Variants in GPC3 observed in about 807,000 individuals in gnomAD.
The protein encoded by GPC3 is glypican-3.
Under a neutral mutation model 34.4 loss-of-function variants are expected in GPC3, and 3 were observed. The observed-to-expected ratio is 0.09, with a 90% CI of 0.04 to 0.23. GPC3 has a LOEUF of 0.23. Among genes scored for constraint, GPC3 ranks in the 10% least tolerant of loss-of-function variants. GPC3 has a pLI of 1.00. For missense variants in GPC3, 351 were observed against 445.6 expected (o/e 0.79, Z 1.91); for synonymous variants, 177 against 174.0 (o/e 1.02, Z -0.13).
At chrX:133,541,601 C>G (rs1163030864) in intron 7 of GPC3, among the ~76,000 whole-genome samples, 1 of 112,342 alleles carries the variant, frequency 8.9e-6, no homozygotes, top group Non-Finnish European at 1.9e-5. Context: ...GCCCCTGACT[C>G]TCATTTCGCC....
intron 2 of GPC3, among the ~76,000 whole-genome samples, chrX:133,765,129 CTT>C (rs1014639225): frequency 8.9e-6 from 1 of 111,845 alleles, no homozygotes; most frequent in African/African-American, 3.3e-5. Flanking sequence ...TAATTAAAAA[CTT>C]TTCTTTTTTA....
chrX:133,835,287 T>A (rs1368913214), intron 2 of GPC3, among the ~76,000 whole-genome samples: 3 of 112,273 alleles, frequency 2.7e-5, no homozygotes, highest in Admixed American at 1.9e-4. Flanking sequence ...GATTTTGGTA[T>A]AATTAAATAG....
intron 2 of GPC3, among the ~76,000 whole-genome samples, chrX:133,827,944 C>CAAAAA (rs760699432): frequency 2.8e-4 from 10 of 36,022 alleles, no homozygotes; most frequent in Admixed American, 4.0e-4. Flanking sequence ...AACTCCATCC[C>CAAAAA]AAAAAAAAAA....
At chrX:133,789,984 T>C (rs778333881) in intron 2 of GPC3, among the ~76,000 whole-genome samples, 3 of 111,864 alleles carry the variant, frequency 2.7e-5, no homozygotes, top group Non-Finnish European at 3.8e-5. Context: ...ATGCCAGATA[T>C]GCAATGAAAT....
chrX:133,960,156 G>A (rs757803526), intron 1 of GPC3, among the ~76,000 whole-genome samples: 5 of 110,309 alleles, frequency 4.5e-5, no homozygotes, highest in East Asian at 5.7e-4. Context: ...GTGGAATAAC[G>A]GGGCAAAGCT....
intron 2 of GPC3, among the ~76,000 whole-genome samples, chrX:133,846,376 T>G (rs933614507): frequency 3.6e-5 from 4 of 112,107 alleles, no homozygotes; most frequent in African/African-American, 1.3e-4. Context: ...TGGGAGCTGC[T>G]GAAGACTTCT....
chrX:133,669,058 G>T (rs920942763), intron 5 of GPC3, among the ~76,000 whole-genome samples: 1 of 111,481 alleles, frequency 9.0e-6, no homozygotes, highest in Admixed American at 9.5e-5. Flanking sequence ...AGAGCCCTGT[G>T]TATAGGGTTT....
intron 1 of GPC3, among the ~76,000 whole-genome samples, chrX:133,965,029 G>A (rs183489658): frequency 5.9e-4 from 66 of 110,986 alleles, no homozygotes; most frequent in Non-Finnish European, 1.1e-3. Context: ...CTCAGGAAGC[G>A]CACTGACATT....
chrX:133,583,070 T>C (rs1018138984), intron 7 of GPC3, among the ~76,000 whole-genome samples: 2 of 111,609 alleles, frequency 1.8e-5, no homozygotes, highest in Non-Finnish European at 3.8e-5. Flanking sequence ...AAGGATCCGT[T>C]TTCTTAGGAA....
rs1005750507 is a variant in GPC3, at chrX:133,539,063, T to G, written c.1574-2770A>C. Among the ~76,000 whole-genome samples, 13 of 107,183 alleles carry G rather than the reference T, an allele frequency of 1.2e-4. No homozygotes were observed. The Admixed American group carries it at 1.3e-3, about 11-fold the overall frequency. The allele number at this position is 107,183 out of a possible 115,157, so 93.1% of individuals were successfully genotyped here. A position where few individuals can be genotyped will look rare whatever the true frequency, so the allele number is the denominator to read the frequency against. On this transcript the variant is annotated intron_variant, in intron 7 of 7. Transcript: ENST00000370818. ...TCTCTTGGGCCCTGTATTTTTTAAT[T>G]ATAGTAATGACCCCCAACTACTGAG...
chrX:133,844,251 T>C lies in GPC3; in HGVS notation c.338-90075A>G, dbSNP rs1330068846. Among the ~76,000 whole-genome samples, 4 of 112,330 alleles carry C rather than the reference T, an allele frequency of 3.6e-5. No individual in the cohort carries two copies. The East Asian group carries it at 8.3e-4, about 23-fold the overall frequency. ...AAACTAAGTTAATAAAACTGTATACTTGAAATTTGCTAAGAGAGTAGATCT... is the reference window on the plus strand; with the variant it reads ...AAACTAAGTTAATAAAACTGTATACCTGAAATTTGCTAAGAGAGTAGATCT... On this transcript the variant is annotated intron_variant, in intron 2 of 7. Transcript: ENST00000370818.
chrX:133,933,351 G>A (rs2076307141), intron 2 of GPC3, among the ~76,000 whole-genome samples: 2 of 110,620 alleles, frequency 1.8e-5, no homozygotes, highest in African/African-American at 6.6e-5. Context: ...GACTAGGGAG[G>A]ATTGCAAGGA....
chrX:133,808,045 C>T (rs2075645408), intron 2 of GPC3, among the ~76,000 whole-genome samples: 1 of 112,553 alleles, frequency 8.9e-6, no homozygotes, highest in Non-Finnish European at 1.9e-5. Flanking sequence ...TGGACCAAAG[C>T]AACATCAGAA....
chrX:133,543,305 G>C (rs1313493823), intron 7 of GPC3, among the ~76,000 whole-genome samples: 1 of 111,320 alleles, frequency 9.0e-6, no homozygotes, highest in Non-Finnish European at 1.9e-5. Context: ...ATTTCATAGA[G>C]ACAGGGTTTC....
At chrX:133,784,932 G>A (rs1202590663) in intron 2 of GPC3, among the ~76,000 whole-genome samples, 1 of 111,630 alleles carries the variant, frequency 9.0e-6, no homozygotes, top group African/African-American at 3.3e-5. Context: ...CTATGGATTT[G>A]CCTATTCTGG....
At chrX:133,943,822 C>T (rs1603276372) in intron 2 of GPC3, among the ~76,000 whole-genome samples, 1 of 111,675 alleles carries the variant, frequency 9.0e-6, no homozygotes, top group East Asian at 2.8e-4. Context: ...AAAAGACAAC[C>T]AGCCAGCCTC....
At chrX:133,955,534 C>T (rs779193498) in intron 1 of GPC3, among the ~76,000 whole-genome samples, 9 of 111,545 alleles carry the variant, frequency 8.1e-5, no homozygotes, top group Non-Finnish European at 1.7e-4. Context: ...TCTCAGAGAA[C>T]CCAGTCTAAC....
At chrX:133,810,217 G>A in intron 2 of GPC3, among the ~76,000 whole-genome samples, 1 of 112,280 alleles carries the variant, frequency 8.9e-6, no homozygotes, top group African/African-American at 3.2e-5. Context: ...GACCACTTAA[G>A]TATGGCTAGT....
At chrX:133,892,652 A>G (rs1173091271) in intron 2 of GPC3, among the ~76,000 whole-genome samples, 1 of 109,626 alleles carries the variant, frequency 9.1e-6, no homozygotes, top group East Asian at 2.9e-4. Context: ...CTATGGTGAC[A>G]CCCTCAAGTC....
Sources: allele counts gnomAD v4.1 joint callset (sites outside exome capture counted in the v4.1 genomes callset), GRCh38; gene constraint gnomAD v4.1.1; transcripts MANE v1.5; gene names NCBI Gene and HGNC (gene_info 2026-07-23, HGNC 2026-07-21).